NELL1: variants seen among roughly 807,000 people sequenced by gnomAD.
NELL1 encodes neural EGFL like 1.
Under a neutral mutation model 107.4 loss-of-function variants are expected in NELL1, and 76 were observed. That is an observed-to-expected ratio of 0.71 (90% CI 0.59 to 0.86). The LOEUF (loss-of-function observed/expected upper bound fraction) is 0.86. NELL1 is among the 40% of genes least tolerant of loss of function. NELL1 has a pLI of 0.00. For synonymous variants in NELL1, 353 were observed against 341.2 expected (o/e 1.03, Z -0.38); for missense variants, 1,024 against 1,005.5 (o/e 1.02, Z -0.25).
chr11:21,369,232 A>C (rs534193196), intron 14 of NELL1, among the ~76,000 whole-genome samples: 1 of 151,968 alleles, frequency 6.6e-6, no homozygotes, highest in East Asian at 1.9e-4. Context: ...AAAACACTTT[A>C]CTGTTCTTTG....
chr11:20,905,002 AT>A (rs201231648), intron 5 of NELL1, among the ~76,000 whole-genome samples: 4,435 of 129,498 alleles, frequency 0.034, 113 homozygotes, highest in East Asian at 0.17. Flanking sequence ...CTAATTTTTA[AT>A]TTTTTTTTTT....
chr11:21,244,078 C>T (rs1182325717), intron 14 of NELL1, among the ~76,000 whole-genome samples: 1 of 152,070 alleles, frequency 6.6e-6, no homozygotes, highest in Non-Finnish European at 1.5e-5. Context: ...TACAGCATAA[C>T]ATTTCCTGTC....
chr11:21,546,952 C>G (rs545556272), intron 16 of NELL1, among the ~76,000 whole-genome samples: 104 of 152,016 alleles, frequency 6.8e-4, no homozygotes, highest in African/African-American at 2.5e-3. Flanking sequence ...AAGGAACATT[C>G]ATTGAGAGGG....
At chr11:21,365,526 G>A (rs1436533163) in intron 14 of NELL1, among the ~76,000 whole-genome samples, 1 of 152,122 alleles carries the variant, frequency 6.6e-6, no homozygotes, top group Non-Finnish European at 1.5e-5. Context: ...TCAACAAACA[G>A]AATTTACCAT....
At chr11:20,670,244 G>T (rs1057261435) in intron 1 of NELL1, among the ~76,000 whole-genome samples, 2 of 152,136 alleles carry the variant, frequency 1.3e-5, no homozygotes, top group Non-Finnish European at 2.9e-5. Context: ...GCCGGGGCCC[G>T]GGAGGGCGCG....
At chr11:20,835,814 C>T (rs1016542065) in intron 3 of NELL1, among the ~76,000 whole-genome samples, 17 of 152,112 alleles carry the variant, frequency 1.1e-4, no homozygotes, top group Admixed American at 1.0e-3. Context: ...AAATGCAAAA[C>T]TGTAAAAATC....
intron 3 of NELL1, among the ~76,000 whole-genome samples, chr11:20,842,870 CA>C (rs1848644395): frequency 6.6e-6 from 1 of 152,100 alleles, no homozygotes; most frequent in Non-Finnish European, 1.5e-5. Flanking sequence ...ATGAAATATA[CA>C]GACCTAAAGG....
intron 2 of NELL1, among the ~76,000 whole-genome samples, chr11:20,768,773 G>T (rs1159389848): frequency 6.6e-6 from 1 of 152,134 alleles, no homozygotes; most frequent in East Asian, 1.9e-4. Context: ...AAGGGAAGCT[G>T]AAAAAGGCAA....
chr11:21,347,839 C>A (rs961389557), intron 14 of NELL1, among the ~76,000 whole-genome samples: 1 of 152,188 alleles, frequency 6.6e-6, no homozygotes, highest in African/African-American at 2.4e-5. Flanking sequence ...GGAAGGTAAC[C>A]ACCGGTGCCT....
At chr11:21,035,022 C>G (rs1225105279) in intron 12 of NELL1, among the ~76,000 whole-genome samples, 1 of 151,978 alleles carries the variant, frequency 6.6e-6, no homozygotes, top group East Asian at 1.9e-4. Context: ...AGAGAAGATT[C>G]AAATAAACAC....
intron 5 of NELL1, among the ~76,000 whole-genome samples, chr11:20,907,929 C>G (rs746119514): frequency 1.3e-5 from 2 of 152,008 alleles, no homozygotes; most frequent in African/African-American, 4.8e-5. Context: ...GACATTTACA[C>G]GGCCAAAAAA....
intron 2 of NELL1, among the ~76,000 whole-genome samples, chr11:20,692,023 G>A (rs1407518654): frequency 1.3e-5 from 2 of 151,962 alleles, no homozygotes; most frequent in Non-Finnish European, 2.9e-5. Flanking sequence ...GAGAGTGTAT[G>A]TGTCGAGGAA....
chr11:20,769,175 A>G (rs1368697689), intron 2 of NELL1: 1 of 152,532 alleles, frequency 6.6e-6, no homozygotes, highest in African/African-American at 2.4e-5. Flanking sequence ...ATTCTAGTCA[A>G]GAAGATTGGG....
At chr11:21,108,746 G>T (rs1855030686) in intron 12 of NELL1, among the ~76,000 whole-genome samples, 1 of 152,130 alleles carries the variant, frequency 6.6e-6, no homozygotes, top group Non-Finnish European at 1.5e-5. Context: ...GGTCACTGGA[G>T]CCTAAAGTGT....
At chr11:21,366,147 C>T (rs4531469) in intron 14 of NELL1, among the ~76,000 whole-genome samples, 137,468 of 152,174 alleles carry the variant, frequency 0.9, 62,242 homozygotes, top group Non-Finnish European at 0.93. Flanking sequence ...TGATATCACC[C>T]TTATTATTTA....
At position 21,319,777 on chromosome 11, in the gene NELL1, G is replaced by A. The variant is rs560252960; in HGVS notation, c.1550-51076G>A. 1.0e-3 allele frequency among the ~76,000 whole-genome samples: 158 copies of A among 151,860 alleles called. 1 individual carries two copies. Among genetic ancestry groups the A allele is most frequent in the African/African-American group, 3.4e-3 (139 of 41,338 alleles). On this transcript the variant is annotated intron_variant, in intron 14 of 19. Coordinates refer to ENST00000357134, the MANE Select transcript of NELL1 (RefSeq NM_006157.5). ...ATCCTGGCTAACACGGTGAAACCCCGTCTCTACTAAAAATACATTTACTGA... is the reference window on the plus strand; with the variant it reads ...ATCCTGGCTAACACGGTGAAACCCCATCTCTACTAAAAATACATTTACTGA...
intron 13 of NELL1, among the ~76,000 whole-genome samples, chr11:21,219,199 T>C (rs1857691447): frequency 6.6e-6 from 1 of 152,196 alleles, no homozygotes; most frequent in African/African-American, 2.4e-5. Context: ...AATATCTCAC[T>C]GTACTTTTGA....
chr11:21,256,554 T>G (rs575415853), intron 14 of NELL1, among the ~76,000 whole-genome samples: 1 of 152,158 alleles, frequency 6.6e-6, no homozygotes, highest in South Asian at 2.1e-4. Context: ...ATATAGCAGG[T>G]CTCATCCTGA....
chr11:20,810,832 C>G (rs1857487407), intron 3 of NELL1, among the ~76,000 whole-genome samples: 1 of 151,912 alleles, frequency 6.6e-6, no homozygotes, highest in Non-Finnish European at 1.5e-5. Context: ...CCATTCCCAC[C>G]AGCACTGTAG....
Sources: allele counts gnomAD v4.1 joint callset (sites outside exome capture counted in the v4.1 genomes callset), GRCh38; gene constraint gnomAD v4.1.1; transcripts MANE v1.5; gene names NCBI Gene and HGNC (gene_info 2026-07-23, HGNC 2026-07-21).